Variants in EHBP1 observed in about 807,000 individuals in gnomAD.
EHBP1 encodes the protein EH domain-binding protein 1.
EHBP1 carries 55 observed loss-of-function variants against 144.0 expected under a neutral mutation model. The ratio of observed to expected loss-of-function variants is 0.38; its 90% confidence interval spans 0.31 to 0.48. EHBP1 has a LOEUF of 0.48. Among genes scored for constraint, EHBP1 ranks in the 20% least tolerant of loss-of-function variants. The pLI, the probability that EHBP1 is intolerant of heterozygous loss-of-function variation, is 0.98. For missense variants in EHBP1, 1,200 were observed against 1,364.2 expected, an observed-to-expected ratio of 0.88 and a Z score of 1.90; for synonymous variants, 469 against 472.7, an observed-to-expected ratio of 0.99 and a Z score of 0.10.
chr2:62,835,684 C>T (rs1356873183), intron 7 of EHBP1, among the ~76,000 whole-genome samples: 8 of 152,160 alleles, frequency 5.3e-5, no homozygotes, highest in South Asian at 2.1e-4. Context: ...ACCTGGGAAG[C>T]GCAAGGGGTC....
chr2:62,790,980 T>A (rs1208673200), intron 5 of EHBP1, among the ~76,000 whole-genome samples: 4 of 152,066 alleles, frequency 2.6e-5, no homozygotes, highest in Non-Finnish European at 4.4e-5. Flanking sequence ...CCAATATAGA[T>A]GTGGGTTTCT....
At chr2:62,900,703 T>TATATATATATA (rs1558881616) in intron 10 of EHBP1, among the ~76,000 whole-genome samples, 1 of 150,472 alleles carries the variant, frequency 6.6e-6, no homozygotes, top group African/African-American at 2.5e-5. Flanking sequence ...TATATATATA[T>TATATATATATA]TTTCTTTCTC....
chr2:62,709,740 TG>T (rs1325947226), intron 2 of EHBP1, among the ~76,000 whole-genome samples: 2 of 152,004 alleles, frequency 1.3e-5, no homozygotes, highest in Admixed American at 6.5e-5. Flanking sequence ...CTAGAAGTAT[TG>T]GGGGTACTTA....
At chr2:62,945,768 C>A (rs910126448) in intron 12 of EHBP1, among the ~76,000 whole-genome samples, 43 of 151,808 alleles carry the variant, frequency 2.8e-4, no homozygotes, top group Non-Finnish European at 2.4e-4. Flanking sequence ...AACAAACAAA[C>A]AAAAAAATGG....
At chr2:62,918,445 A>C (rs575553333) in intron 10 of EHBP1, among the ~76,000 whole-genome samples, 1 of 152,268 alleles carries the variant, frequency 6.6e-6, no homozygotes, top group East Asian at 1.9e-4. Flanking sequence ...CAAACTCGGC[A>C]TCACAATATA....
At chr2:62,999,609 C>G (rs773717128) in intron 19 of EHBP1, among the ~76,000 whole-genome samples, 14 of 152,190 alleles carry the variant, frequency 9.2e-5, no homozygotes, top group Non-Finnish European at 1.8e-4. Flanking sequence ...TGGCTTCTTT[C>G]ACTTAACATA....
At chr2:62,774,045 A>G (rs959327138) in intron 5 of EHBP1, among the ~76,000 whole-genome samples, 8 of 151,834 alleles carry the variant, frequency 5.3e-5, no homozygotes, top group South Asian at 2.1e-4. Context: ...AGCCAATCTC[A>G]TGAGATTTGT....
In EHBP1 at chr2:62,682,013, G is replaced by A. The variant is rs535184201; in HGVS notation, c.-296+7930G>A. ...CTAAGTAAACTTCTGGTGCTCTAAAGTTAGAGGAGAGAGGCTGTGGCTCAG... is the reference window on the plus strand; with the variant it reads ...CTAAGTAAACTTCTGGTGCTCTAAAATTAGAGGAGAGAGGCTGTGGCTCAG... On this transcript the variant is annotated intron_variant, in intron 1 of 22. Transcript: ENST00000405015. 1.8e-4 allele frequency among the ~76,000 whole-genome samples: 27 copies of A among 152,312 alleles called. No individual in the cohort carries two copies. The South Asian group carries it at 5.2e-3, about 29-fold the overall frequency.
chr2:62,800,419 A>G (rs747720227), intron 5 of EHBP1, among the ~76,000 whole-genome samples: 2 of 152,010 alleles, frequency 1.3e-5, no homozygotes, highest in Non-Finnish European at 2.9e-5. Flanking sequence ...TAATGGTGAG[A>G]GGGCAGTGGT....
At chr2:62,680,811 G>A (rs1369398627) in intron 1 of EHBP1, among the ~76,000 whole-genome samples, 1 of 152,120 alleles carries the variant, frequency 6.6e-6, no homozygotes, top group African/African-American at 2.4e-5. Flanking sequence ...TGGGATATAA[G>A]TCCTATCTCT....
intron 2 of EHBP1, among the ~76,000 whole-genome samples, chr2:62,725,075 C>T (rs1031786609): frequency 1.3e-5 from 2 of 152,194 alleles, no homozygotes; most frequent in Admixed American, 1.3e-4. Context: ...CAGCTCCCAA[C>T]TCCTGGACTG....
At chr2:62,771,454 G>A (rs2041656340) in intron 5 of EHBP1, 62 bp downstream of exon 5, 1 of 1,250,296 alleles carries the variant, frequency 8.0e-7, no homozygotes, top group South Asian at 1.7e-5. Context: ...CATTATTAAG[G>A]TACATTGGCA....
intron 19 of EHBP1, among the ~76,000 whole-genome samples, chr2:62,997,987 G>A (rs1032505017): frequency 2.6e-5 from 4 of 151,986 alleles, no homozygotes; most frequent in African/African-American, 9.7e-5. Flanking sequence ...TGGGCTTTTG[G>A]GGACAGTTTA....
intron 3 of EHBP1, among the ~76,000 whole-genome samples, chr2:62,748,718 C>T (rs1216573665): frequency 6.6e-6 from 1 of 151,956 alleles, no homozygotes; most frequent in Non-Finnish European, 1.5e-5. Flanking sequence ...ATACAATGAC[C>T]ACAAGAATGT....
intron 2 of EHBP1, among the ~76,000 whole-genome samples, chr2:62,710,421 C>A (rs2035036298): frequency 6.6e-6 from 1 of 151,600 alleles, no homozygotes; most frequent in African/African-American, 2.4e-5. Flanking sequence ...TAAAAATATT[C>A]AGAGTGCTGT....
chr2:62,815,646 A>T (rs1389286353), intron 5 of EHBP1, among the ~76,000 whole-genome samples: 1 of 152,172 alleles, frequency 6.6e-6, no homozygotes, highest in Non-Finnish European at 1.5e-5. Context: ...TATTTGGCAA[A>T]TGTTTTATTG....
intron 7 of EHBP1, among the ~76,000 whole-genome samples, chr2:62,847,112 G>C (rs1218743567): frequency 6.6e-6 from 1 of 152,144 alleles, no homozygotes; most frequent in African/African-American, 2.4e-5. Flanking sequence ...GTGTCAAATT[G>C]GCATAGGATA....
intron 10 of EHBP1, among the ~76,000 whole-genome samples, chr2:62,904,326 C>G (rs1295192112): frequency 1.3e-5 from 2 of 152,146 alleles, no homozygotes; most frequent in African/African-American, 4.8e-5. Context: ...TTTACAGTTC[C>G]CTTTACATGC....
chr2:62,752,900 C>G lies in EHBP1; in HGVS notation c.162+5448C>G, dbSNP rs1389413179. 2.0e-5 allele frequency among the ~76,000 whole-genome samples: 3 copies of G among 152,108 alleles called. No homozygotes were observed. The East Asian group carries it at 5.8e-4, about 29-fold the overall frequency. On this transcript the variant is annotated intron_variant, in intron 3 of 22. Coordinates refer to ENST00000431489, the MANE Select transcript of EHBP1 (RefSeq NM_001142616.3). ...TATTTTGAGCCTATGTGTGTCTCTGCACGTGAGATGGGTTTCCTGAATACA... is the reference window on the plus strand; with the variant it reads ...TATTTTGAGCCTATGTGTGTCTCTGGACGTGAGATGGGTTTCCTGAATACA...
Sources: gnomAD v4.1 joint callset for allele counts (sites outside exome capture counted in the v4.1 genomes callset) on GRCh38, gnomAD v4.1.1 for gene constraint, MANE v1.5 for transcripts, NCBI Gene and HGNC (gene_info 2026-07-23, HGNC 2026-07-21) for gene names.